The following COL24A1 variants were observed in gnomAD, a reference collection of about 807,000 sequenced individuals.
COL24A1 encodes collagen type XXIV alpha 1 chain.
COL24A1 carries 224 observed loss-of-function variants against 253.9 expected under a neutral mutation model. The ratio of observed to expected loss-of-function variants is 0.88; its 90% CI spans 0.79 to 0.99. The LOEUF is 0.99. Among genes scored for constraint, COL24A1 ranks in the 50% least tolerant of loss-of-function variants. The pLI, the probability that COL24A1 is intolerant of heterozygous loss-of-function variation, is 0.00. For missense variants in COL24A1, 2,131 were observed against 2,068.5 expected (o/e 1.03, Z -0.59); for synonymous variants, 685 against 673.7 (o/e 1.02, Z -0.26).
Position 85,950,278 on chromosome 1 carries a change from T to C in COL24A1, c.2562+10971A>G, listed in dbSNP as rs533112715. ...TGGTATCCAAACAATATTTGTGGAA[T>C]AGTGACAGACTCAAAAAGCCAGTGG... On this transcript the variant is annotated intron_variant, in intron 24 of 59. Coordinates refer to ENST00000370571, the MANE Select transcript of COL24A1 (RefSeq NM_152890.7). 3.0e-4 allele frequency among the ~76,000 whole-genome samples: 45 copies of C among 152,328 alleles called. 1 individual carries two copies. Among genetic ancestry groups the C allele is most frequent in the African/African-American group, 9.9e-4 (41 of 41,582 alleles).
intron 39 of COL24A1, among the ~76,000 whole-genome samples, chr1:85,845,423 A>C (rs1474775751): frequency 6.6e-6 from 1 of 152,060 alleles, no homozygotes; most frequent in East Asian, 1.9e-4. Flanking sequence ...TCTTTAAACA[A>C]ATAAATGGTA....
chr1:85,852,707 T>C (rs892793272), intron 37 of COL24A1, among the ~76,000 whole-genome samples: 10 of 152,228 alleles, frequency 6.6e-5, no homozygotes, highest in Non-Finnish European at 1.2e-4. Flanking sequence ...TTTGTTTAGA[T>C]GTATTGCTAG....
Position 86,059,138 on chromosome 1 carries a change from CG to C in COL24A1, c.1788del (p.Gly597ValfsTer8), listed in dbSNP as rs767592683. On this transcript the variant is annotated frameshift_variant, in exon 9 of 60. Coordinates refer to ENST00000370571, the MANE Select transcript of COL24A1 (RefSeq NM_152890.7). LOFTEE classifies it high-confidence loss of function. ...IPGFAGNIGS[P>X]GYPGRQGLAG... ...TACTGCACCTGCCTGCCAGGGTAACCGGGTGAACCAATATTACCAGCAAATC... is the reference window on the plus strand; with the variant it reads ...TACTGCACCTGCCTGCCAGGGTAACCGGTGAACCAATATTACCAGCAAATC... The C allele has an allele frequency of 6.2e-7, 1 of 1,610,092 alleles. No homozygotes were observed. The highest frequency in any genetic ancestry group is 8.5e-7 in the Non-Finnish European group (1 of 1,177,784).
At chr1:85,812,042 C>T (rs1672600376) in intron 47 of COL24A1, among the ~76,000 whole-genome samples, 1 of 152,180 alleles carries the variant, frequency 6.6e-6, no homozygotes, top group African/African-American at 2.4e-5. Flanking sequence ...TGGAATACAG[C>T]TATGAGCTTG....
chr1:85,763,608 C>G lies in COL24A1; in HGVS notation c.4375-2042G>C, dbSNP rs183833030. ...CCAGGTTCAAGTCATTCTCCTGCCT[C>G]AGCCTTCCGAGTAGCTGGGACTACA... On this transcript the variant is annotated intron_variant, in intron 53 of 59. Transcript: ENST00000370571. Among the ~76,000 whole-genome samples, 404 of 150,444 alleles carry G rather than the reference C, an allele frequency of 2.7e-3. 2 individuals carry two copies. Among genetic ancestry groups the G allele is most frequent in the Admixed American group, 8.6e-3 (129 of 15,026 alleles).
intron 57 of COL24A1, among the ~76,000 whole-genome samples, chr1:85,738,595 C>T (rs1373311997): frequency 1.3e-5 from 2 of 152,148 alleles, no homozygotes; most frequent in Non-Finnish European, 2.9e-5. Context: ...ATACAAAGGA[C>T]AGGAATTTTT....
intron 37 of COL24A1, among the ~76,000 whole-genome samples, chr1:85,862,244 T>G (rs1679235715): frequency 6.6e-6 from 1 of 152,216 alleles, no homozygotes; most frequent in South Asian, 2.1e-4. Context: ...TGTTCCCCAC[T>G]GTATCCCTAA....
chr1:85,784,147 C>A lies in COL24A1; in HGVS notation c.4187G>T (p.Gly1396Val). Residue 1396 changes from glycine to valine, a missense_variant, in exon 50 of 60, where the codon GGT (glycine) becomes GTT (valine). Gly to Val is a moderately radical substitution (Grantham distance 109, BLOSUM62 -3). Coordinates refer to ENST00000370571, the MANE Select transcript of COL24A1 (RefSeq NM_152890.7). ...KGQPGEYGVQ[G>V]LTGFQGFPGP... The stretch of plus-strand genomic sequence containing the variant: ...TGGGAATCCTTGGAAACCTGTCAAA[C>A]CTTGAACACCATATTCTCCCTGCAA... 6.2e-7 allele frequency: 1 copy of A among 1,613,708 alleles called. No individual in the cohort carries two copies. The highest frequency in any genetic ancestry group is 8.5e-7 in the Non-Finnish European group (1 of 1,179,754).
intron 53 of COL24A1, among the ~76,000 whole-genome samples, chr1:85,768,311 G>GA (rs202111579): frequency 0.019 from 2,909 of 152,242 alleles, 52 homozygotes; most frequent in Non-Finnish European, 0.023. Flanking sequence ...CTAAGTGCAA[G>GA]AAGAAGTCAT....
At chr1:85,841,972 T>G in intron 41 of COL24A1, 96 bp downstream of exon 41, 1 of 1,093,144 alleles carries the variant, frequency 9.1e-7, no homozygotes, top group Admixed American at 1.9e-5. Flanking sequence ...AAAGTGCTTC[T>G]TTTATTCCTT....
chr1:85,856,498 A>G (rs1053390800), intron 37 of COL24A1, among the ~76,000 whole-genome samples: 2 of 152,158 alleles, frequency 1.3e-5, no homozygotes, highest in African/African-American at 4.8e-5. Context: ...TTAATGGTAT[A>G]GTTTTGAGAA....
At chr1:85,891,060 T>G (rs1683075653) in intron 31 of COL24A1, among the ~76,000 whole-genome samples, 2 of 151,944 alleles carry the variant, frequency 1.3e-5, no homozygotes, top group African/African-American at 4.8e-5. Flanking sequence ...TTTTTTCTTT[T>G]TTTTTTTTGA....
intron 53 of COL24A1, among the ~76,000 whole-genome samples, chr1:85,771,956 C>A (rs1314501329): frequency 6.9e-6 from 1 of 144,278 alleles, no homozygotes; most frequent in African/African-American, 2.6e-5. Flanking sequence ...CCCGTACCCC[C>A]ACCCCACCAC....
At chr1:85,797,245 C>G (rs1432814115) in intron 47 of COL24A1, among the ~76,000 whole-genome samples, 1 of 151,126 alleles carries the variant, frequency 6.6e-6, no homozygotes, top group African/African-American at 2.4e-5. Context: ...ATTCAATTCC[C>G]AAATGTTTAT....
Position 86,156,442 on chromosome 1 carries a change from GC to G in COL24A1, c.-47del, listed in dbSNP as rs758213549. On this transcript the variant is annotated 5_prime_UTR_variant, in exon 1 of 60. The change abolishes the stop of an existing upstream ORF in the 5' untranslated region. Transcript: ENST00000370571. ...AGCAAAGCGCTAACGGAAAACAGAA[GC>G]CAACTCTGAACTGCTTAGGGTGCAG... 1.3e-6 allele frequency: 2 copies of G among 1,591,428 alleles called. No homozygotes were observed. Among genetic ancestry groups the G allele is most frequent in the Non-Finnish European group, 1.7e-6 (2 of 1,165,464 alleles).
chr1:85,826,286 C>A (rs1339937972), intron 43 of COL24A1, among the ~76,000 whole-genome samples: 1 of 147,630 alleles, frequency 6.8e-6, no homozygotes, highest in Admixed American at 6.8e-5. Context: ...TGATCTATAT[C>A]TCTGTTTTGG....
At chr1:86,090,042 T>C (rs1384430125) in intron 6 of COL24A1, among the ~76,000 whole-genome samples, 1 of 152,112 alleles carries the variant, frequency 6.6e-6, no homozygotes, top group Non-Finnish European at 1.5e-5. Flanking sequence ...GTGCCTTCCA[T>C]CCTGCGTGCC....
intron 24 of COL24A1, among the ~76,000 whole-genome samples, chr1:85,918,819 T>C (rs993007344): frequency 6.6e-6 from 1 of 152,182 alleles, no homozygotes; most frequent in Non-Finnish European, 1.5e-5. Flanking sequence ...ATTTTTAAAA[T>C]GTGAAAATGT....
At chr1:85,772,714 G>A (rs936860043) in intron 53 of COL24A1, among the ~76,000 whole-genome samples, 22 of 152,020 alleles carry the variant, frequency 1.4e-4, no homozygotes, top group Non-Finnish European at 3.1e-4. Flanking sequence ...TTTTGATGGG[G>A]TTGTTTGTTT....
Sources: allele counts gnomAD v4.1 joint callset (sites outside exome capture counted in the v4.1 genomes callset), GRCh38; gene constraint gnomAD v4.1.1; transcripts MANE v1.5; gene names NCBI Gene and HGNC (gene_info 2026-07-23, HGNC 2026-07-21).